C1orf232: variants seen among roughly 807,000 people sequenced by gnomAD.
C1orf232 encodes chromosome 1 open reading frame 230.
A neutral mutation model predicts 12.1 loss-of-function variants in C1orf232; 10 were observed. The ratio of observed to expected loss-of-function variants is 0.82; its 90% confidence interval spans 0.51 to 1.40. C1orf232 has a LOEUF of 1.40. Ranked by LOEUF, C1orf232 falls within the 40% of genes most tolerant of loss-of-function variation. The pLI is 0.00. For synonymous variants in C1orf232, 36 were observed against 39.8 expected (o/e 0.90, Z 0.36); for missense variants, 88 against 98.4 (o/e 0.89, Z 0.45).
At chr1:26,165,617 A>T (rs766342874) in intron 3 of C1orf232, 13 of 900,866 alleles carry the variant, frequency 1.4e-5, no homozygotes, top group African/African-American at 1.7e-5. Context: ...CCTCAATCCC[A>T]ACAGCTGGTC....
chr1:26,168,139 T>G (rs540316754), intron 1 of C1orf232, among the ~76,000 whole-genome samples: 1 of 152,322 alleles, frequency 6.6e-6, no homozygotes, highest in South Asian at 2.1e-4. Context: ...GTGTGCCTAC[T>G]GCCCACTGGT....
chr1:26,168,650 G>T lies in C1orf232; in HGVS notation c.-151C>A, dbSNP rs2088451186. On this transcript the variant is annotated 5_prime_UTR_variant, in exon 1 of 4. The change creates a premature stop within an existing upstream ORF in the 5' untranslated region. Coordinates refer to ENST00000634842, the MANE Select transcript of C1orf232 (RefSeq NM_001364669.2). ...AAAGATGCACCAGCCTCCCCAGCTG[G>T]CACAGTGCCCAGGAGGTGAACCTGA... 2.3e-6 allele frequency: 1 copy of T among 443,902 alleles called. No homozygotes were observed. Among genetic ancestry groups the T allele is most frequent in the Non-Finnish European group, 3.7e-6 (1 of 268,944 alleles). The allele number at this position is 443,902 out of a possible 1,614,324, so 27.5% of individuals were successfully genotyped here.
At chr1:26,165,181 A>C (rs117874585) in intron 3 of C1orf232, among the ~76,000 whole-genome samples, 2,507 of 151,870 alleles carry the variant, frequency 0.017, 66 homozygotes, top group African/African-American at 0.048. Flanking sequence ...CTAGGAGAAA[A>C]GAATAGGGTC....
At chr1:26,167,369 T>G (rs909481236) in intron 1 of C1orf232, among the ~76,000 whole-genome samples, 4 of 152,184 alleles carry the variant, frequency 2.6e-5, no homozygotes, top group African/African-American at 9.7e-5. Context: ...TTGTATTTTT[T>G]TGTTGAGATA....
Position 26,164,453 on chromosome 1 carries a change from G to A in C1orf232, c.269C>T (p.Pro90Leu), listed in dbSNP as rs2088402934. ...CTGCGAGGGGGGTCGCGCCGCCAGA[G>A]GGCTGCGGGAGAGGGCCGCGGTCAG... ...LLPSEPCADH[P>L]LAARPPSQAA... Residue 90 changes from proline to leucine, a missense_variant and splice_region_variant, in exon 4 of 4, where the codon CCT becomes CTT. By Grantham distance (98) the Pro-to-Leu change is moderately conservative. Transcript: ENST00000634842. The surrounding 1 kb of genome is among the most constrained non-coding windows in gnomAD (Gnocchi z 4.2). 2.6e-6 allele frequency: 1 copy of A among 377,842 alleles called. No individual in the cohort carries two copies. Among genetic ancestry groups the A allele is most frequent in the Middle Eastern group, 6.8e-4 (1 of 1,468 alleles). 23.4% of individuals were successfully genotyped at this position (377,842 alleles called of 1,614,324 possible).
At chr1:26,165,568 A>C in intron 3 of C1orf232, 1 of 489,472 alleles carries the variant, frequency 2.0e-6, no homozygotes, top group Non-Finnish European at 3.2e-6. Context: ...GCCCCTCCCA[A>C]GCGGATGGGT....
At chr1:26,168,354 T>C (rs571315701) in intron 1 of C1orf232, 62 bp downstream of exon 1, 7 of 1,162,494 alleles carry the variant, frequency 6.0e-6, no homozygotes, top group Admixed American at 4.2e-5. Flanking sequence ...CCCCACTTCA[T>C]ACTGCTCATT....
chr1:26,164,397 C>T lies in C1orf232; in HGVS notation c.325G>A (p.Gly109Ser), dbSNP rs372707599. 8.0e-4 allele frequency: 309 copies of T among 387,718 alleles called. 1 individual carries two copies. Among genetic ancestry groups the T allele is most frequent in the African/African-American group, 5.1e-3 (245 of 48,222 alleles). The allele number at this position is 387,718 out of a possible 1,614,324, so 24.0% of individuals were successfully genotyped here. A position where few individuals can be genotyped will look rare whatever the true frequency, so the allele number is the denominator to read the frequency against. Residue 109 changes from glycine to serine, a missense_variant, in exon 4 of 4, where the codon GGC (glycine) becomes AGC (serine). Transcript: ENST00000634842. The surrounding 1 kb of genome is among the most constrained non-coding windows in gnomAD (Gnocchi z 4.2). Reference protein sequence around the residue: ...AAAAAEARGPGFWDAFASRWQ... With the variant: ...AAAAAEARGPSFWDAFASRWQ... ...CTGCTGGCGAACGCGTCCCAGAAGC[C>T]CGGGCCGCGCGCCTCCGCCGCCGCC...
intron 1 of C1orf232, 85 bp downstream of exon 1, chr1:26,168,331 A>G (rs1395656335): frequency 3.0e-6 from 3 of 1,015,184 alleles, no homozygotes; most frequent in Non-Finnish European, 3.8e-6. Flanking sequence ...CCCACCTCCA[A>G]GCCTATCCTG....
Position 26,165,849 on chromosome 1 carries a change from C to T in C1orf232, c.243G>A (p.Leu81=), listed in dbSNP as rs1455790418. Residue 81 remains leucine (L), a synonymous_variant, in exon 3 of 4, where the codon CTG becomes CTA. Coordinates refer to ENST00000634842, the MANE Select transcript of C1orf232 (RefSeq NM_001364669.2). ...ACTGGTCAGCGCAAGGCTCTGATGG[C>T]AGCAGCTTATCTTCATCTTCTTTGT... ...LFNKEDEDKL[L]PSEPCADHPL... 1.6e-6 allele frequency: 2 copies of T among 1,231,684 alleles called. No individual in the cohort carries two copies. Among genetic ancestry groups the T allele is most frequent in the Non-Finnish European group, 2.0e-6 (2 of 987,996 alleles). The allele number at this position is 1,231,684 out of a possible 1,614,324, so 76.3% of individuals were successfully genotyped here. A position where few individuals can be genotyped will look rare whatever the true frequency, so the allele number is the denominator to read the frequency against.
At chr1:26,168,305 G>T in intron 1 of C1orf232, 111 bp downstream of exon 1, 1 of 697,576 alleles carries the variant, frequency 1.4e-6, no homozygotes, top group Non-Finnish European at 2.0e-6. Flanking sequence ...TGTGGCATCT[G>T]CACAAATGTG....
In C1orf232 at chr1:26,168,804, A is replaced by G. The variant is rs2088452513; in HGVS notation, c.-305T>C. 6.6e-6 allele frequency among the ~76,000 whole-genome samples: 1 copy of G among 152,206 alleles called. No homozygotes were observed. The highest frequency in any genetic ancestry group is 2.4e-5 in the African/African-American group (1 of 41,434). On this transcript the variant is annotated 5_prime_UTR_variant, in exon 1 of 4. Transcript: ENST00000634842. ...AGGCTTTCTTCCTGGGCCTAGGAGT[A>G]CTTGAGTTGTTCATCTCTTAGCATG... is the stretch of plus-strand genomic sequence containing the variant.
rs139205390 is a variant in C1orf232 at position 26,165,124 on chromosome 1, A to G, written c.267-669T>C. Among the ~76,000 whole-genome samples, 95 of 146,270 alleles carry G rather than the reference A, an allele frequency of 6.5e-4. 1 individual carries two copies. The highest frequency in any genetic ancestry group is 2.2e-3 in the African/African-American group (86 of 39,556). ...GGAACTGGGGTTGGGGGTGGGGGAA[A>G]AGAATGGAAACCTGGGGGCGGGAGA... On this transcript the variant is annotated intron_variant, in intron 3 of 3. Coordinates refer to ENST00000634842, the MANE Select transcript of C1orf232 (RefSeq NM_001364669.2).
chr1:26,168,542 G>C lies in C1orf232; in HGVS notation c.-43C>G, dbSNP rs952386379. 17 of 1,213,312 alleles carry C rather than the reference G, an allele frequency of 1.4e-5. No individual in the cohort carries two copies. In the African/African-American group the frequency reaches 2.2e-4, roughly 16 times the overall value. 75.2% of individuals were successfully genotyped at this position (1,213,312 alleles called of 1,614,324 possible). Reference sequence around the variant, plus strand: ...GCCTGGCACGCAAGCACAGGAAGGTGGTGGCTCAGTGGATACCAGTGAGTC... The same window carrying C: ...GCCTGGCACGCAAGCACAGGAAGGTCGTGGCTCAGTGGATACCAGTGAGTC... On this transcript the variant is annotated 5_prime_UTR_variant, in exon 1 of 4. Coordinates refer to ENST00000634842, the MANE Select transcript of C1orf232 (RefSeq NM_001364669.2).
At chr1:26,165,205 G>A (rs1470034435) in intron 3 of C1orf232, among the ~76,000 whole-genome samples, 1 of 151,952 alleles carries the variant, frequency 6.6e-6, no homozygotes, top group African/African-American at 2.4e-5. Flanking sequence ...GGTGAGAGGG[G>A]GATGTGATCA....
rs2088419887 is a variant in C1orf232, at chr1:26,165,840, C to T, written c.252G>A (p.Glu84=). ...CACGCACATACTGGTCAGCGCAAGG[C>T]TCTGATGGCAGCAGCTTATCTTCAT... ...KEDEDKLLPS[E]PCADHPLAAR... Residue 84 remains glutamate (E), a synonymous_variant, in exon 3 of 4, where the codon GAG becomes GAA. Coordinates refer to ENST00000634842, the MANE Select transcript of C1orf232 (RefSeq NM_001364669.2). The T allele has an allele frequency of 8.1e-7, 1 of 1,231,790 alleles. No individual in the cohort carries two copies. The highest frequency in any genetic ancestry group is 1.0e-6 in the Non-Finnish European group (1 of 987,994). The allele number at this position is 1,231,790 out of a possible 1,614,324, so 76.3% of individuals were successfully genotyped here.
chr1:26,168,317 C>T (rs1039181725), intron 1 of C1orf232, 99 bp downstream of exon 1: 13 of 831,526 alleles, frequency 1.6e-5, no homozygotes, highest in African/African-American at 8.8e-5. Flanking sequence ...ACAAATGTGG[C>T]CCCCCCACCT....
At position 26,164,296 on chromosome 1, in the gene C1orf232, G is replaced by C. The variant is rs1416432481; in HGVS notation, c.426C>G (p.Pro142=). ...CGGCCTCCTCCGCGGCCTCGTCCGC[G>C]GGTTCGGGGTCCGGCTCCGGAGTGG... The part of the protein sequence containing the change: ...TEPTPEPDPE[P]ADEAAEEAAE... The change falls in exon 4 of 4, where the codon CCC becomes CCG. Residue 142 remains proline (P), a synonymous_variant. Transcript: ENST00000634842. This position sits in a 1 kb window ranked among gnomAD's most constrained non-coding sequence, Gnocchi z 4.2. 2.5e-6 allele frequency: 1 copy of C among 397,864 alleles called. No individual in the cohort carries two copies. Among genetic ancestry groups the C allele is most frequent in the African/African-American group, 2.1e-5 (1 of 48,592 alleles). The allele number at this position is 397,864 out of a possible 1,614,324, so 24.6% of individuals were successfully genotyped here. A position where few individuals can be genotyped will look rare whatever the true frequency, so the allele number is the denominator to read the frequency against.
intron 1 of C1orf232, among the ~76,000 whole-genome samples, chr1:26,167,169 T>G (rs892876410): frequency 2.0e-5 from 3 of 152,198 alleles, no homozygotes; most frequent in African/African-American, 7.2e-5. Context: ...TGACTGCCAC[T>G]TATCACAGCC....
Sources: gnomAD v4.1 joint callset for allele counts (sites outside exome capture counted in the v4.1 genomes callset) on GRCh38, gnomAD v4.1.1 for gene constraint, Gnocchi (gnomAD v3.1) non-coding constraint, MANE v1.5 for transcripts, NCBI Gene and HGNC (gene_info 2026-07-23, HGNC 2026-07-21) for gene names.